PRDM16: variants seen among roughly 807,000 people sequenced by gnomAD.
PRDM16 encodes histone-lysine N-methyltransferase PRDM16.
A neutral mutation model predicts 110.6 loss-of-function variants in PRDM16; 23 were observed. The observed-to-expected ratio is 0.21, with a 90% CI of 0.15 to 0.29. The LOEUF (loss-of-function observed/expected upper bound fraction) is 0.29, where lower values mean the gene tolerates loss of function less well. Ranked by LOEUF, PRDM16 falls within the 10% of genes least tolerant of loss-of-function variation. The pLI is 1.00. For synonymous variants in PRDM16, 799 were observed against 781.8 expected, an observed-to-expected ratio of 1.02 and a Z score of -0.37; for missense variants, 1,615 against 1,794.3, an observed-to-expected ratio of 0.90 and a Z score of 1.81.
chr1:3,191,829 A>G (rs1472915325), intron 2 of PRDM16, among the ~76,000 whole-genome samples: 1 of 152,198 alleles, frequency 6.6e-6, no homozygotes, highest in African/African-American at 2.4e-5. Flanking sequence ...AGTCTCCGAC[A>G]TCACAGCACA....
At chr1:3,410,017 C>A (rs4648493) in intron 8 of PRDM16, among the ~76,000 whole-genome samples, 17,528 of 119,740 alleles carry the variant, frequency 0.15, 1,309 homozygotes, top group East Asian at 0.33. Flanking sequence ...TGTGTGTGTG[C>A]TGTGTGTGCA....
chr1:3,213,224 G>A lies in PRDM16; in HGVS notation c.387+26750G>A, dbSNP rs141918087. Among the ~76,000 whole-genome samples, 104 of 152,314 alleles carry A rather than the reference G, an allele frequency of 6.8e-4. 1 individual carries two copies. The highest frequency in any genetic ancestry group is 8.7e-4 in the Non-Finnish European group (59 of 68,032). ...TTAGCCAATAAACACCACCCATTCC[G>A]TGGTGAGGGGGGAAATGGAGAAGAA... On this transcript the variant is annotated intron_variant, in intron 2 of 16. Transcript: ENST00000270722. This position sits in a 1 kb window ranked among gnomAD's most constrained non-coding sequence, Gnocchi z 5.3.
In PRDM16 at chr1:3,405,503, G is replaced by A. The variant is rs1200718124; in HGVS notation, c.1041G>A (p.Thr347=). Residue 347 remains threonine (T), a synonymous_variant, in exon 8 of 17, where the codon ACG becomes ACA. Transcript: ENST00000270722. ...GGCATCCGTCTCCCCAGGTGTTCAC[G>A]GACCCCAGCAACCTTCAGCGGCACA... ...FECENCVKVF[T]DPSNLQRHIR... 2.2e-5 allele frequency: 35 copies of A among 1,584,996 alleles called. No homozygotes were observed. The highest frequency in any genetic ancestry group is 1.7e-4 in the Middle Eastern group (1 of 5,952).
Position 3,412,248 on chromosome 1 carries a change from C to T in PRDM16, c.2051C>T (p.Thr684Ile). 6.2e-7 allele frequency: 1 copy of T among 1,611,484 alleles called. No individual in the cohort carries two copies. Among genetic ancestry groups the T allele is most frequent in the Non-Finnish European group, 8.5e-7 (1 of 1,178,504 alleles). Residue 684 changes from threonine (T) to isoleucine (I), a missense_variant, in exon 9 of 17, where the codon ACT (threonine) becomes ATT (isoleucine). Thr to Ile is a moderately conservative substitution (Grantham distance 89). Transcript: ENST00000270722. Reference protein sequence around the residue: ...FFPPPDEQLLTATGAAGDSIK... With the variant: ...FFPPPDEQLLIATGAAGDSIK... Reference sequence around the variant, plus strand: ...CCGCCACCCGACGAGCAGCTGCTGACTGCAACGGGCGCCGCCGGGGACTCC... The same window carrying T: ...CCGCCACCCGACGAGCAGCTGCTGATTGCAACGGGCGCCGCCGGGGACTCC...
chr1:3,135,566 C>A (rs1035737594), intron 1 of PRDM16, among the ~76,000 whole-genome samples: 1 of 152,106 alleles, frequency 6.6e-6, no homozygotes. Flanking sequence ...AGCCCTCCCC[C>A]TCCGTGGCCC....
chr1:3,104,114 C>T (rs544606283), intron 1 of PRDM16, among the ~76,000 whole-genome samples: 8 of 152,298 alleles, frequency 5.3e-5, no homozygotes, highest in African/African-American at 1.9e-4. Flanking sequence ...CACTGAATGG[C>T]GGATTCCCAT....
chr1:3,095,777 G>A (rs1023001968), intron 1 of PRDM16, among the ~76,000 whole-genome samples: 5 of 152,016 alleles, frequency 3.3e-5, no homozygotes, highest in African/African-American at 1.2e-4. Flanking sequence ...AGTTGGGGGT[G>A]ATGTATGGGG....
In PRDM16 at chr1:3,247,455, G is replaced by C. The variant is rs1458779017; in HGVS notation, c.438+3318G>C. On this transcript the variant is annotated intron_variant, in intron 3 of 16. Transcript: ENST00000270722. ...TATGGAGGCCTGGGATTCGAACTCA[G>C]GACTGTGGCGCGGGGCCTGGCTCCT... Among the ~76,000 whole-genome samples, 7 of 152,332 alleles carry C rather than the reference G, an allele frequency of 4.6e-5. 1 individual carries two copies. The highest frequency in any genetic ancestry group is 1.7e-4 in the African/African-American group (7 of 41,588).
chr1:3,328,539 C>G (rs563431232), intron 3 of PRDM16, among the ~76,000 whole-genome samples: 8 of 152,120 alleles, frequency 5.3e-5, no homozygotes, highest in Non-Finnish European at 1.0e-4. Flanking sequence ...TCAAAGGGCA[C>G]GGGGCCCTGT....
At chr1:3,228,360 T>A (rs1639338996) in intron 2 of PRDM16, among the ~76,000 whole-genome samples, 1 of 152,108 alleles carries the variant, frequency 6.6e-6, no homozygotes, top group Non-Finnish European at 1.5e-5. Context: ...CCCCAGAAAA[T>A]TCTGTTTGTT....
chr1:3,354,218 G>C (rs1448597046), intron 3 of PRDM16, among the ~76,000 whole-genome samples: 1 of 152,148 alleles, frequency 6.6e-6, no homozygotes, highest in Non-Finnish European at 1.5e-5. Flanking sequence ...CTAGCACTTT[G>C]GCAGGCCGAG....
intron 1 of PRDM16, among the ~76,000 whole-genome samples, chr1:3,100,064 G>T (rs1172268886): frequency 6.6e-6 from 1 of 152,174 alleles, no homozygotes; most frequent in Non-Finnish European, 1.5e-5. Context: ...TGAGGGGCGT[G>T]GAGAGGCCCG....
intron 3 of PRDM16, among the ~76,000 whole-genome samples, chr1:3,314,747 C>T (rs908571189): frequency 3.3e-5 from 5 of 152,058 alleles, no homozygotes; most frequent in Admixed American, 6.6e-5. Flanking sequence ...TCTTCTAGTT[C>T]GGGTTCAGTT....
At chr1:3,430,737 G>C in intron 14 of PRDM16, 135 bp from the exon 15 acceptor site, 1 of 1,061,554 alleles carries the variant, frequency 9.4e-7, no homozygotes, top group Non-Finnish European at 1.4e-6. Context: ...AGGGACCCGC[G>C]GGAGCTCCCT....
chr1:3,386,428 G>A, intron 4 of PRDM16, among the ~76,000 whole-genome samples: 1 of 152,166 alleles, frequency 6.6e-6, no homozygotes, highest in East Asian at 1.9e-4. Flanking sequence ...GGCTGCCAGG[G>A]GCTCTCCCTC....
chr1:3,319,118 C>G (rs1641681494), intron 3 of PRDM16, among the ~76,000 whole-genome samples: 1 of 152,112 alleles, frequency 6.6e-6, no homozygotes, highest in Admixed American at 6.5e-5. Context: ...AAACACTTTT[C>G]AGAGGTCGTC....
intron 1 of PRDM16, among the ~76,000 whole-genome samples, chr1:3,176,758 ATCCC>A (rs1644095770): frequency 6.8e-6 from 1 of 146,824 alleles, no homozygotes; most frequent in Non-Finnish European, 1.5e-5. Context: ...TCTTCCATCC[ATCCC>A]TCCATCCATC....
chr1:3,100,609 C>A (rs1017169495), intron 1 of PRDM16, among the ~76,000 whole-genome samples: 1 of 152,182 alleles, frequency 6.6e-6, no homozygotes, highest in Non-Finnish European at 1.5e-5. Flanking sequence ...CCCAAGCACC[C>A]CCAGTTCCCG....
At position 3,172,464 on chromosome 1, in the gene PRDM16, C is replaced by G. The variant is rs552175150; in HGVS notation, c.38-13661C>G. 2.6e-5 allele frequency among the ~76,000 whole-genome samples: 4 copies of G among 152,252 alleles called. No homozygotes were observed. The South Asian group carries it at 8.3e-4, about 32-fold the overall frequency. On this transcript the variant is annotated intron_variant, in intron 1 of 16. Transcript: ENST00000270722. ...GGTTTTGTTGATGCTAAGAGCACGC[C>G]GTAGATTCAGACGGCACACGCATGT...
Sources: gnomAD v4.1 joint callset for allele counts (sites outside exome capture counted in the v4.1 genomes callset) on GRCh38, gnomAD v4.1.1 for gene constraint, Gnocchi (gnomAD v3.1) non-coding constraint, MANE v1.5 for transcripts, NCBI Gene and HGNC (gene_info 2026-07-23, HGNC 2026-07-21) for gene names.